LINGO2: variants seen among roughly 807,000 people sequenced by gnomAD.
LINGO2 encodes leucine-rich repeat and immunoglobulin-like domain-containing nogo receptor-interacting protein 2.
LINGO2 carries 14 observed loss-of-function variants against 30.6 expected under a neutral mutation model. That is an observed-to-expected ratio of 0.46 (90% CI 0.30 to 0.72). The LOEUF (loss-of-function observed/expected upper bound fraction) is 0.72. LINGO2 is among the 30% of genes least tolerant of loss of function. The pLI is 0.07. For missense variants in LINGO2, 729 were observed against 751.7 expected (o/e 0.97, Z 0.35); for synonymous variants, 317 against 288.5 (o/e 1.10, Z -1.00).
At chr9:29,002,019 T>G in the LINGO2 span, among the ~76,000 whole-genome samples, 1 of 152,036 alleles carries the variant, frequency 6.6e-6, no homozygotes, top group African/African-American at 2.4e-5. Flanking sequence ...TTGGTATAAC[T>G]TCTGTTTCTT....
intron 4 of LINGO2, among the ~76,000 whole-genome samples, chr9:28,224,666 C>T (rs1821085994): frequency 1.3e-5 from 2 of 152,052 alleles, no homozygotes; most frequent in Non-Finnish European, 2.9e-5. Flanking sequence ...TTCCCCATAC[C>T]CTTCCTGGCC....
the LINGO2 span, among the ~76,000 whole-genome samples, chr9:28,848,206 T>C: frequency 9.8e-6 from 1 of 102,098 alleles, no homozygotes; most frequent in African/African-American, 4.7e-5. Context: ...ATATAGTATA[T>C]ATATACTATA....
chr9:29,083,169 A>C, the LINGO2 span, among the ~76,000 whole-genome samples: 5 of 152,280 alleles, frequency 3.3e-5, no homozygotes, highest in East Asian at 9.7e-4. Context: ...AACAGCAAAA[A>C]CTTGGAACCA....
chr9:28,976,118 G>T, the LINGO2 span, among the ~76,000 whole-genome samples: 1 of 152,052 alleles, frequency 6.6e-6, no homozygotes, highest in Non-Finnish European at 1.5e-5. Context: ...AAGTCCAAAC[G>T]CTTTTATCAG....
rs563170430 is a variant in LINGO2 at position 28,302,971 on chromosome 9, T to C, written c.-245-7605A>G. Among the ~76,000 whole-genome samples the C allele has an allele frequency of 5.9e-5, 9 of 152,308 alleles. No homozygotes were observed. In the South Asian group the frequency reaches 1.9e-3, roughly 32 times the overall value. On this transcript the variant is annotated intron_variant, in intron 3 of 5. Transcript: ENST00000379992. The stretch of plus-strand genomic sequence containing the variant: ...ATTAAGATTTAAACTTGTGACTTGT[T>C]AATTGTATAGGTCTTACGCTTTCTA...
chr9:28,613,421 T>C (rs531220140), intron 1 of LINGO2, among the ~76,000 whole-genome samples: 103 of 152,096 alleles, frequency 6.8e-4, no homozygotes, highest in Middle Eastern at 3.4e-3. Context: ...TAGGTACATA[T>C]ACTACATATA....
the LINGO2 span, among the ~76,000 whole-genome samples, chr9:29,008,145 C>G: frequency 2.0e-5 from 3 of 152,070 alleles, no homozygotes; most frequent in Non-Finnish European, 4.4e-5. Flanking sequence ...TCTCATTGTT[C>G]AATTCCCACC....
the LINGO2 span, among the ~76,000 whole-genome samples, chr9:28,725,563 A>T: frequency 2.0e-5 from 3 of 151,314 alleles, no homozygotes; most frequent in Non-Finnish European, 4.4e-5. Flanking sequence ...AATCCATGGA[A>T]TAAAAAGAAA....
At chr9:27,996,154 T>C (rs1030136156) in intron 5 of LINGO2, among the ~76,000 whole-genome samples, 27 of 152,012 alleles carry the variant, frequency 1.8e-4, no homozygotes, top group Non-Finnish European at 3.4e-4. Flanking sequence ...CTGGTAAGGA[T>C]GTTGAGAAAG....
chr9:28,933,125 T>A, the LINGO2 span, among the ~76,000 whole-genome samples: 1 of 152,144 alleles, frequency 6.6e-6, no homozygotes, highest in Non-Finnish European at 1.5e-5. Context: ...CAGACTGGTC[T>A]CGAACTCCTG....
chr9:29,053,135 GATAAAAGGTAAAATAAAGTA>G, the LINGO2 span, among the ~76,000 whole-genome samples: 3 of 151,664 alleles, frequency 2.0e-5, no homozygotes, highest in Non-Finnish European at 4.4e-5. Context: ...TACTACTCTT[GATAAAAGGTAAAATAAAGTA>G]CATATGGAAA....
intron 4 of LINGO2, among the ~76,000 whole-genome samples, chr9:28,035,916 A>T (rs1823911803): frequency 6.8e-6 from 1 of 147,106 alleles, no homozygotes; most frequent in Non-Finnish European, 1.5e-5. Flanking sequence ...ACACACACAC[A>T]TGCGCTAATA....
chr9:29,122,618 A>G, the LINGO2 span, among the ~76,000 whole-genome samples: 2 of 152,270 alleles, frequency 1.3e-5, no homozygotes, highest in African/African-American at 2.4e-5. Context: ...AGTGTTCTTG[A>G]AGATTAAACA....
chr9:27,963,949 T>A (rs1819975219), intron 5 of LINGO2, among the ~76,000 whole-genome samples: 2 of 152,056 alleles, frequency 1.3e-5, no homozygotes, highest in African/African-American at 4.8e-5. Flanking sequence ...ATCACCAGGG[T>A]TACCTAAGTT....
chr9:29,109,117 C>T, the LINGO2 span, among the ~76,000 whole-genome samples: 1 of 146,152 alleles, frequency 6.8e-6, no homozygotes, highest in Middle Eastern at 3.6e-3. Context: ...TAAGCTTTTT[C>T]CACATATTTT....
chr9:28,043,599 A>C (rs1824288086), intron 4 of LINGO2, among the ~76,000 whole-genome samples: 1 of 152,182 alleles, frequency 6.6e-6, no homozygotes, highest in African/African-American at 2.4e-5. Context: ...ACTTTTCTTT[A>C]TGGAAAGTTT....
chr9:29,133,448 A>G, the LINGO2 span, among the ~76,000 whole-genome samples: 1 of 152,136 alleles, frequency 6.6e-6, no homozygotes, highest in East Asian at 1.9e-4. Context: ...AGAACCTTGA[A>G]CATTAGTTCA....
intron 4 of LINGO2, among the ~76,000 whole-genome samples, chr9:28,019,400 A>T (rs539666177): frequency 3.1e-4 from 47 of 151,916 alleles, no homozygotes; most frequent in Admixed American, 6.6e-4. Context: ...CTGGGTAGGG[A>T]ACCATGGAAA....
At chr9:28,132,861 AC>A (rs1827415309) in intron 4 of LINGO2, among the ~76,000 whole-genome samples, 1 of 152,242 alleles carries the variant, frequency 6.6e-6, no homozygotes, top group South Asian at 2.1e-4. Flanking sequence ...GTGGGCACTT[AC>A]GTGAATAGTG....
Sources: gnomAD v4.1 joint callset for allele counts (sites outside exome capture counted in the v4.1 genomes callset) on GRCh38, gnomAD v4.1.1 for gene constraint, MANE v1.5 for transcripts, NCBI Gene and HGNC (gene_info 2026-07-23, HGNC 2026-07-21) for gene names.